The following LRP1B variants were observed in gnomAD, a reference collection of about 807,000 sequenced individuals.
LRP1B encodes LDL receptor related protein 1B, also known as low-density lipoprotein receptor-related protein 1B.
In LRP1B, 217 loss-of-function variants were observed where a neutral mutation model predicts 556.6. The observed-to-expected ratio is 0.39, with a 90% CI of 0.35 to 0.44. The LOEUF (loss-of-function observed/expected upper bound fraction) is 0.44. Ranked by LOEUF, LRP1B falls within the 20% of genes least tolerant of loss-of-function variation. The pLI is 1.00. For synonymous variants in LRP1B, 2,047 were observed against 1,865.8 expected, an observed-to-expected ratio of 1.10 and a Z score of -2.50; for missense variants, 5,053 against 5,620.8, an observed-to-expected ratio of 0.90 and a Z score of 3.23.
rs543096934 is a variant in LRP1B, at chr2:141,467,760, G to A, written c.343+12636C>T. On this transcript the variant is annotated intron_variant, in intron 3 of 90. Transcript: ENST00000389484. The stretch of plus-strand genomic sequence containing the variant: ...CTGAAAGGAGCAAATCATTTTAGGT[G>A]AAATGCAGGCATAAATATTCCTGAC... 1.7e-3 allele frequency among the ~76,000 whole-genome samples: 241 copies of A among 144,156 alleles called. 1 individual carries two copies. The highest frequency in any genetic ancestry group is 2.6e-3 in the Admixed American group (34 of 13,306). 94.6% of individuals were successfully genotyped at this position (144,156 alleles called of 152,430 possible).
chr2:140,358,982 C>T (rs753269076), intron 72 of LRP1B, 36 bp from the exon 73 acceptor site: 34 of 1,591,456 alleles, frequency 2.1e-5, no homozygotes, highest in Middle Eastern at 1.7e-4. Context: ...GAAGCTCCTT[C>T]GAGTACATTG....
intron 7 of LRP1B, among the ~76,000 whole-genome samples, chr2:141,110,905 G>T (rs1922700): frequency 0.5 from 76,059 of 151,962 alleles, 19,913 homozygotes; most frequent in Middle Eastern, 0.6. Flanking sequence ...TAGGCTTTAA[G>T]TGGGTCCCCA....
intron 41 of LRP1B, among the ~76,000 whole-genome samples, chr2:140,679,750 C>T (rs748145186): frequency 2.0e-5 from 3 of 151,176 alleles, no homozygotes; most frequent in Non-Finnish European, 4.4e-5. Flanking sequence ...AGCATAAGGG[C>T]TAGAATGTGG....
intron 7 of LRP1B, among the ~76,000 whole-genome samples, chr2:141,070,536 C>G (rs1284548155): frequency 6.6e-6 from 1 of 151,866 alleles, no homozygotes; most frequent in Non-Finnish European, 1.5e-5. Flanking sequence ...GAGACACAAA[C>G]AACCCTTCAA....
chr2:140,763,127 G>C (rs1397019770), intron 35 of LRP1B, among the ~76,000 whole-genome samples: 2 of 152,052 alleles, frequency 1.3e-5, no homozygotes, highest in African/African-American at 4.8e-5. Flanking sequence ...ATCTTTAGGG[G>C]TGTTTTAGCT....
intron 7 of LRP1B, among the ~76,000 whole-genome samples, chr2:141,062,797 GAAAT>G (rs1699371825): frequency 6.6e-6 from 1 of 151,790 alleles, no homozygotes; most frequent in African/African-American, 2.4e-5. Context: ...TGTAGCAACA[GAAAT>G]AAAACATAAA....
intron 86 of LRP1B, among the ~76,000 whole-genome samples, chr2:140,262,717 G>A (rs1187073868): frequency 6.6e-6 from 1 of 152,060 alleles, no homozygotes; most frequent in Non-Finnish European, 1.5e-5. Context: ...TAAAGGGGGG[G>A]AGTCCCTGAC....
intron 2 of LRP1B, among the ~76,000 whole-genome samples, chr2:141,507,921 C>T (rs1204849597): frequency 6.6e-6 from 1 of 151,638 alleles, no homozygotes; most frequent in East Asian, 2.0e-4. Flanking sequence ...CCCCATCTGT[C>T]TACTAAAAAT....
At chr2:140,729,228 T>TC (rs1227330700) in intron 35 of LRP1B, among the ~76,000 whole-genome samples, 4 of 152,082 alleles carry the variant, frequency 2.6e-5, no homozygotes, top group African/African-American at 9.7e-5. Flanking sequence ...TGTTTCAAGA[T>TC]CATCGCCTGT....
chr2:141,272,268 A>G (rs1463603230), intron 3 of LRP1B, among the ~76,000 whole-genome samples: 1 of 152,096 alleles, frequency 6.6e-6, no homozygotes, highest in Non-Finnish European at 1.5e-5. Context: ...ATTATGATAA[A>G]CTGAGATATA....
At chr2:141,340,265 T>C (rs1688009249) in intron 3 of LRP1B, among the ~76,000 whole-genome samples, 1 of 152,220 alleles carries the variant, frequency 6.6e-6, no homozygotes. Flanking sequence ...TAGCCAATTT[T>C]ATTACAAGCC....
At chr2:142,071,144 T>C (rs1286703749) in intron 1 of LRP1B, among the ~76,000 whole-genome samples, 1 of 151,908 alleles carries the variant, frequency 6.6e-6, no homozygotes, top group Non-Finnish European at 1.5e-5. Flanking sequence ...TTTCTTCAAG[T>C]ACCTGTATTA....
At chr2:141,908,989 G>A (rs541488918) in intron 1 of LRP1B, among the ~76,000 whole-genome samples, 3 of 152,234 alleles carry the variant, frequency 2.0e-5, no homozygotes, top group Non-Finnish European at 4.4e-5. Context: ...CCATGGAGGT[G>A]TAAGAGTCGG....
chr2:142,016,708 A>G (rs180699210), intron 1 of LRP1B, among the ~76,000 whole-genome samples: 6 of 152,176 alleles, frequency 3.9e-5, no homozygotes, highest in African/African-American at 1.4e-4. Flanking sequence ...GGATAGCATT[A>G]GTAGAAATAC....
intron 3 of LRP1B, among the ~76,000 whole-genome samples, chr2:141,296,564 C>A (rs1190292842): frequency 6.6e-6 from 1 of 152,056 alleles, no homozygotes; most frequent in Non-Finnish European, 1.5e-5. Context: ...AGATTTTATT[C>A]TATTTTTGTT....
intron 49 of LRP1B, among the ~76,000 whole-genome samples, chr2:140,519,551 G>A (rs1292801172): frequency 3.9e-5 from 6 of 152,104 alleles, no homozygotes; most frequent in Admixed American, 6.6e-5. Flanking sequence ...ATAGGTAAGG[G>A]CAAGGACTTC....
At chr2:141,717,632 A>AT (rs1292411444) in intron 2 of LRP1B, among the ~76,000 whole-genome samples, 1 of 152,132 alleles carries the variant, frequency 6.6e-6, no homozygotes, top group African/African-American at 2.4e-5. Context: ...ATAAAGACAG[A>AT]TTTTTCTCTC....
chr2:141,557,230 C>T (rs1202314002), intron 2 of LRP1B, among the ~76,000 whole-genome samples: 1 of 151,690 alleles, frequency 6.6e-6, no homozygotes, highest in African/African-American at 2.4e-5. Context: ...ACCACAAAGA[C>T]ACACAGGAAA....
chr2:140,551,101 C>T (rs982080673), intron 43 of LRP1B, among the ~76,000 whole-genome samples: 1 of 152,152 alleles, frequency 6.6e-6, no homozygotes, highest in Non-Finnish European at 1.5e-5. Context: ...CATTTTCCAG[C>T]CCCCAGAATT....
Sources: allele counts gnomAD v4.1 joint callset (sites outside exome capture counted in the v4.1 genomes callset), GRCh38; gene constraint gnomAD v4.1.1; transcripts MANE v1.5; gene names NCBI Gene and HGNC (gene_info 2026-07-23, HGNC 2026-07-21).